The following BRDT variants were observed in gnomAD, a reference collection of about 807,000 sequenced individuals.
BRDT encodes bromodomain testis-specific protein.
A neutral mutation model predicts 113.9 loss-of-function variants in BRDT; 77 were observed. That is an observed-to-expected ratio of 0.68 (90% CI 0.56 to 0.82). The LOEUF (loss-of-function observed/expected upper bound fraction) is 0.82. BRDT is among the 40% of genes least tolerant of loss of function. The pLI is 0.00. For synonymous variants in BRDT, 358 were observed against 366.5 expected, an observed-to-expected ratio of 0.98 and a Z score of 0.26; for missense variants, 1,027 against 1,105.4, an observed-to-expected ratio of 0.93 and a Z score of 1.01.
At chr1:92,004,265 G>T (rs1428674286) in intron 16 of BRDT, 149 bp from the exon 17 acceptor site, 8 of 508,524 alleles carry the variant, frequency 1.6e-5, no homozygotes, top group African/African-American at 4.0e-5. Context: ...AGTAACCTTT[G>T]ACTTTAGTAA....
intron 13 of BRDT, among the ~76,000 whole-genome samples, chr1:91,991,991 C>CAAAAAAAAA (rs764759925): frequency 6.3e-4 from 43 of 67,726 alleles, no homozygotes; most frequent in East Asian, 1.1e-3. Context: ...GACTCTGTCT[C>CAAAAAAAAA]AAAAAAAAAA....
At chr1:91,955,656 GAAAC>G (rs1479655408) in intron 1 of BRDT, among the ~76,000 whole-genome samples, 2 of 150,962 alleles carry the variant, frequency 1.3e-5, no homozygotes, top group African/African-American at 4.9e-5. Context: ...ACGTTTAAAA[GAAAC>G]AGAAGATTAA....
At chr1:91,951,478 G>A (rs1028137065) in intron 1 of BRDT, among the ~76,000 whole-genome samples, 3 of 151,904 alleles carry the variant, frequency 2.0e-5, no homozygotes, top group South Asian at 4.2e-4. Context: ...GTGGCGGGGG[G>A]GCGTGTATAG....
In BRDT at chr1:92,012,046, C is replaced by T. The variant is rs112294916; in HGVS notation, c.2776-2160C>T. Among the ~76,000 whole-genome samples the T allele has an allele frequency of 9.1e-3, 1,391 of 152,252 alleles. 19 individuals carry two copies. Among genetic ancestry groups the T allele is most frequent in the African/African-American group, 0.023 (952 of 41,548 alleles). ...GGTATTGGCTGGGTACAGTGGCTCACGCCTATAATCTTAACACTTTGAGAG... is the reference window on the plus strand; with the variant it reads ...GGTATTGGCTGGGTACAGTGGCTCATGCCTATAATCTTAACACTTTGAGAG... On this transcript the variant is annotated intron_variant, in intron 18 of 18. Transcript: ENST00000399546.
chr1:91,962,144 C>CAAAAAAAAAAAAAAAAAA (rs555326698), intron 1 of BRDT, among the ~76,000 whole-genome samples: 1 of 65,064 alleles, frequency 1.5e-5, no homozygotes, highest in African/African-American at 5.9e-5. Context: ...GACTCCGTCT[C>CAAAAAAAAAAAAAAAAAA]AAAAAAAAAA....
chr1:92,006,895 C>G lies in BRDT; in HGVS notation c.2775+1596C>G, dbSNP rs1215137197. Reference sequence around the variant, plus strand: ...CTCTGCCTCCTGGGTTCAAGCGATTCTCATGCCTCAGCCTCCCGAGTAGCT... The same window carrying G: ...CTCTGCCTCCTGGGTTCAAGCGATTGTCATGCCTCAGCCTCCCGAGTAGCT... On this transcript the variant is annotated intron_variant, in intron 18 of 18. Transcript: ENST00000399546. Among the ~76,000 whole-genome samples, 3 of 152,098 alleles carry G rather than the reference C, an allele frequency of 2.0e-5. No homozygotes were observed. The East Asian group carries it at 5.8e-4, about 29-fold the overall frequency.
At chr1:91,971,959 C>T (rs1244024640) in intron 4 of BRDT, among the ~76,000 whole-genome samples, 2 of 151,768 alleles carry the variant, frequency 1.3e-5, no homozygotes, top group Non-Finnish European at 2.9e-5. Context: ...GCTCTAGTAT[C>T]TCATCTTTAA....
chr1:91,964,741 T>G lies in BRDT; in HGVS notation c.307T>G (p.Ser103Ala), dbSNP rs760209304. The G allele has an allele frequency of 6.8e-7, 1 of 1,479,400 alleles. No individual in the cohort carries two copies. The highest frequency in any genetic ancestry group is 9.1e-7 in the Non-Finnish European group (1 of 1,093,738). The allele number at this position is 1,479,400 out of a possible 1,614,324, so 91.6% of individuals were successfully genotyped here. A position where few individuals can be genotyped will look rare whatever the true frequency, so the allele number is the denominator to read the frequency against. Residue 103 changes from serine to alanine, a missense_variant, in exon 3 of 19, where the codon TCA (serine) becomes GCA (alanine). Physicochemically the swap from Ser to Ala is moderately conservative, Grantham distance 99. Coordinates refer to ENST00000399546, the MANE Select transcript of BRDT (RefSeq NM_207189.4). ...TATAGAAGACTTCAATACAATGTTCTCAAATTGTTATTTATATAACAAGGT... is the reference window on the plus strand; with the variant it reads ...TATAGAAGACTTCAATACAATGTTCGCAAATTGTTATTTATATAACAAGGT... Reference protein sequence around the residue: ...ECIEDFNTMFSNCYLYNKPGD... With the variant: ...ECIEDFNTMFANCYLYNKPGD...
intron 3 of BRDT, among the ~76,000 whole-genome samples, chr1:91,965,324 T>A (rs1349754894): frequency 5.9e-5 from 9 of 152,232 alleles, no homozygotes; most frequent in Admixed American, 3.9e-4. Context: ...CCTGAATAGC[T>A]GTAGTGGCTT....
rs774952902 is a variant in BRDT, at chr1:91,978,997, CA to C, written c.1099-556del. On this transcript the variant is annotated intron_variant, in intron 7 of 18. Transcript: ENST00000399546. Reference sequence around the variant, plus strand: ...TGGGCGACAGAGCGAGACTACGTCTCAAAAAAAAAAAAAAAACAACAACAAC... The same window carrying C: ...TGGGCGACAGAGCGAGACTACGTCTCAAAAAAAAAAAAAAACAACAACAAC... Among the ~76,000 whole-genome samples the C allele has an allele frequency of 1.4e-4, 11 of 77,142 alleles. No individual in the cohort carries two copies. The East Asian group carries it at 2.3e-3, about 16-fold the overall frequency. The allele number at this position is 77,142 out of a possible 152,430, so 50.6% of individuals were successfully genotyped here.
chr1:91,976,590 A>G (rs551610738), intron 5 of BRDT, 152 bp downstream of exon 5: 327 of 762,368 alleles, frequency 4.3e-4, no homozygotes, highest in Admixed American at 1.2e-3. Flanking sequence ...CCGCCTCTCT[A>G]TGCATTTTAT....
intron 1 of BRDT, among the ~76,000 whole-genome samples, chr1:91,958,915 G>A (rs1468924051): frequency 6.6e-6 from 1 of 152,010 alleles, no homozygotes; most frequent in Non-Finnish European, 1.5e-5. Flanking sequence ...TGGATATTGT[G>A]GTATGTACCT....
chr1:91,962,795 C>T lies in BRDT; in HGVS notation c.41C>T (p.Pro14Leu), dbSNP rs769873755. 3.1e-6 allele frequency: 5 copies of T among 1,606,052 alleles called. No homozygotes were observed. The highest frequency in any genetic ancestry group is 4.2e-6 in the Non-Finnish European group (5 of 1,177,282). The stretch of plus-strand genomic sequence containing the variant: ...CGACAAACAGCTATTATTGTTAACC[C>T]TCCTCCACCAGAATATATAAATACT... Reference protein sequence around the residue: ...PSRQTAIIVNPPPPEYINTKK... With the variant: ...PSRQTAIIVNLPPPEYINTKK... The change falls in exon 2 of 19, where the codon CCT becomes CTT. Residue 14 changes from proline (P) to leucine (L), a missense_variant. Coordinates refer to ENST00000399546, the MANE Select transcript of BRDT (RefSeq NM_207189.4).
At chr1:91,988,951 A>T (rs1475843303) in intron 12 of BRDT, among the ~76,000 whole-genome samples, 1 of 152,094 alleles carries the variant, frequency 6.6e-6, no homozygotes, top group Non-Finnish European at 1.5e-5. Flanking sequence ...TTATTTTTTT[A>T]ATTAAAATTC....
intron 15 of BRDT, among the ~76,000 whole-genome samples, chr1:91,995,783 T>C (rs1032551279): frequency 6.6e-6 from 1 of 152,048 alleles, no homozygotes; most frequent in Non-Finnish European, 1.5e-5. Flanking sequence ...ATTACAGGCA[T>C]GTACCACCAC....
rs201604833 is a variant in BRDT at position 91,980,623 on chromosome 1, G to A, written c.1288-20G>A. The stretch of plus-strand genomic sequence containing the variant: ...TTATTTAGAGACATGAATGTTTACA[G>A]ATTTTTTTTCTTTTATCAGCTTAAA... On this transcript the variant is annotated intron_variant, in intron 8 of 18. Coordinates refer to ENST00000399546, the MANE Select transcript of BRDT (RefSeq NM_207189.4). 2.3e-4 allele frequency: 329 copies of A among 1,431,144 alleles called. 1 individual carries two copies. The East Asian group carries it at 7.8e-3, about 34-fold the overall frequency. 88.7% of individuals were successfully genotyped at this position (1,431,144 alleles called of 1,614,324 possible).
intron 12 of BRDT, among the ~76,000 whole-genome samples, chr1:91,988,309 G>A (rs1685450710): frequency 1.3e-5 from 2 of 152,280 alleles, no homozygotes; most frequent in Middle Eastern, 3.4e-3. Flanking sequence ...ATCCTCTTAA[G>A]GTAGGTGTAT....
In BRDT at chr1:91,981,696, CAG is replaced by C; in HGVS notation, c.1946_1947del (p.Glu649ValfsTer2). The C allele has an allele frequency of 1.2e-6, 2 of 1,614,196 alleles. No homozygotes were observed. Among genetic ancestry groups the C allele is most frequent in the Non-Finnish European group, 8.5e-7 (1 of 1,180,024 alleles). On this transcript the variant is annotated frameshift_variant, in exon 12 of 19. Coordinates refer to ENST00000399546, the MANE Select transcript of BRDT (RefSeq NM_207189.4). LOFTEE classifies it high-confidence loss of function. ...AGCAGCAGCAGCAGCAGCAGCTCAT[CAG>C]AGTCTGAAAGTAGCAGCAGTGACTT...
chr1:91,973,864 G>A (rs1028516315), intron 4 of BRDT, among the ~76,000 whole-genome samples: 13 of 152,022 alleles, frequency 8.6e-5, no homozygotes, highest in Non-Finnish European at 1.5e-4. Flanking sequence ...GCAAGTTTTC[G>A]AAGGGAAAAG....
Sources: allele counts gnomAD v4.1 joint callset (sites outside exome capture counted in the v4.1 genomes callset), GRCh38; gene constraint gnomAD v4.1.1; transcripts MANE v1.5; gene names NCBI Gene and HGNC (gene_info 2026-07-23, HGNC 2026-07-21).